The following SFMBT2 variants were observed in gnomAD, a reference collection of about 807,000 sequenced individuals.
SFMBT2 encodes scm-like with four MBT domains protein 2.
Under a neutral mutation model 110.1 loss-of-function variants are expected in SFMBT2, and 38 were observed. That is an observed-to-expected ratio of 0.35 (90% CI 0.27 to 0.45). SFMBT2 has a LOEUF of 0.45. Ranked by LOEUF, SFMBT2 falls within the 20% of genes least tolerant of loss-of-function variation. SFMBT2 has a pLI of 1.00. For synonymous variants in SFMBT2, 425 were observed against 425.4 expected, an observed-to-expected ratio of 1.00 and a Z score of 0.01; for missense variants, 1,011 against 1,094.9, an observed-to-expected ratio of 0.92 and a Z score of 1.08.
chr10:7,407,350 A>T (rs1002622421), intron 1 of SFMBT2, among the ~76,000 whole-genome samples: 3 of 152,052 alleles, frequency 2.0e-5, no homozygotes, highest in Admixed American at 2.0e-4. Context: ...TAGACACGCT[A>T]GTAGGTCTCC....
intron 10 of SFMBT2, among the ~76,000 whole-genome samples, chr10:7,221,914 A>T (rs1839754433): frequency 6.6e-6 from 1 of 152,178 alleles, no homozygotes; most frequent in South Asian, 2.1e-4. Flanking sequence ...TGCATTGGGG[A>T]CCTTTGGTAA....
At position 7,202,155 on chromosome 10, in the gene SFMBT2, C is replaced by T. The variant is rs780016601; in HGVS notation, c.1487+325G>A. On this transcript the variant is annotated intron_variant, in intron 13 of 20. Transcript: ENST00000397167. Reference sequence around the variant, plus strand: ...CTGCGACTCGAAACTGCACCTGCCACGTGGGGCCCCTGCAGACGCTGAGAA... The same window carrying T: ...CTGCGACTCGAAACTGCACCTGCCATGTGGGGCCCCTGCAGACGCTGAGAA... 1.3e-5 allele frequency: 3 copies of T among 233,858 alleles called. No homozygotes were observed. In the South Asian group the frequency reaches 4.6e-4, roughly 36 times the overall value. The allele number at this position is 233,858 out of a possible 1,614,324, so 14.5% of individuals were successfully genotyped here.
In SFMBT2 at chr10:7,176,047, C is replaced by A; in HGVS notation, c.1927G>T (p.Val643Leu). Residue 643 changes from valine to leucine, a missense_variant, in exon 17 of 21, where the codon GTG becomes TTG. By Grantham distance (32) the Val-to-Leu change is conservative. Around this residue, in one of 2 missense-constraint regions of SFMBT2, gnomAD observed 979 missense variants for 1,016.1 expected, o/e 0.96. Transcript: ENST00000397167. ...TCTGGGCAGTTTTCAGATATCAGCA[C>A]AGGACTAAACAAATTTGGACAGCAC... ...LECCPNLFSP[V>L]LISENCPENC... 1.2e-6 allele frequency: 2 copies of A among 1,614,154 alleles called. No homozygotes were observed. The highest frequency in any genetic ancestry group is 1.7e-6 in the Non-Finnish European group (2 of 1,180,034).
intron 4 of SFMBT2, among the ~76,000 whole-genome samples, chr10:7,317,056 G>A (rs577809656): frequency 3.6e-4 from 55 of 152,176 alleles, no homozygotes; most frequent in African/African-American, 1.1e-3. Context: ...AATTCTGGTC[G>A]TGTCCCCCTC....
At position 7,172,263 on chromosome 10, in the gene SFMBT2, C is replaced by T. The variant is rs1399571786; in HGVS notation, c.2152-105G>A. On this transcript the variant is annotated intron_variant, in intron 18 of 20. Transcript: ENST00000397167. This position sits in a 1 kb window ranked among gnomAD's most constrained non-coding sequence, Gnocchi z 4.6. Reference sequence around the variant, plus strand: ...CAGTGCAGACCACCTAGCAAACCCTCGGAAATGGAGCCAGTGGTCCCACCC... The same window carrying T: ...CAGTGCAGACCACCTAGCAAACCCTTGGAAATGGAGCCAGTGGTCCCACCC... 32 of 1,464,700 alleles carry T rather than the reference C, an allele frequency of 2.2e-5. No homozygotes were observed. Among genetic ancestry groups the T allele is most frequent in the Middle Eastern group, 4.6e-4 (2 of 4,334 alleles). 90.7% of individuals were successfully genotyped at this position (1,464,700 alleles called of 1,614,324 possible). A position where few individuals can be genotyped will look rare whatever the true frequency, so the allele number is the denominator to read the frequency against.
chr10:7,387,388 G>A (rs1016201713), intron 1 of SFMBT2, among the ~76,000 whole-genome samples: 6 of 152,256 alleles, frequency 3.9e-5, no homozygotes, highest in African/African-American at 1.4e-4. Context: ...GGGCACTGGG[G>A]ACAGACATAT....
chr10:7,346,296 G>A (rs1844106860), intron 4 of SFMBT2, among the ~76,000 whole-genome samples: 1 of 152,108 alleles, frequency 6.6e-6, no homozygotes, highest in Non-Finnish European at 1.5e-5. Context: ...TGACCCCGGT[G>A]TTCTAACATT....
At chr10:7,298,805 G>A (rs1183876726) in intron 4 of SFMBT2, among the ~76,000 whole-genome samples, 1 of 152,044 alleles carries the variant, frequency 6.6e-6, no homozygotes, top group Non-Finnish European at 1.5e-5. Context: ...CTGTGTGTGT[G>A]GGTCTAAGAC....
intron 4 of SFMBT2, among the ~76,000 whole-genome samples, chr10:7,319,898 GAGAGAGACTA>G (rs1206878738): frequency 7.0e-6 from 1 of 142,514 alleles, no homozygotes. Flanking sequence ...CAGAGAGACA[GAGAGAGACTA>G]AGAGAGAGAG....
intron 4 of SFMBT2, among the ~76,000 whole-genome samples, chr10:7,326,284 T>C (rs1476147547): frequency 6.6e-6 from 1 of 152,230 alleles, no homozygotes; most frequent in Admixed American, 6.5e-5. Context: ...GCACACATAA[T>C]TTCACCTTTG....
intron 11 of SFMBT2, among the ~76,000 whole-genome samples, chr10:7,212,445 G>A (rs1839381012): frequency 6.6e-6 from 1 of 152,158 alleles, no homozygotes; most frequent in Non-Finnish European, 1.5e-5. Context: ...GAGCCCTGTG[G>A]GACAGTGTCC....
chr10:7,294,420 C>T (rs1367552958), intron 4 of SFMBT2, among the ~76,000 whole-genome samples: 1 of 152,160 alleles, frequency 6.6e-6, no homozygotes, highest in African/African-American at 2.4e-5. Flanking sequence ...TTGCATTGTA[C>T]AAGTATCTAG....
intron 6 of SFMBT2, among the ~76,000 whole-genome samples, chr10:7,282,650 T>A: frequency 6.6e-6 from 1 of 152,220 alleles, no homozygotes; most frequent in East Asian, 1.9e-4. Context: ...TACGCGTCTC[T>A]AAGCCTGTCA....
intron 15 of SFMBT2, among the ~76,000 whole-genome samples, chr10:7,190,849 G>C (rs1375596183): frequency 6.6e-6 from 1 of 152,104 alleles, no homozygotes; most frequent in East Asian, 1.9e-4. Flanking sequence ...ACCTTGAATT[G>C]TAGCTCCCAT....
intron 10 of SFMBT2, among the ~76,000 whole-genome samples, chr10:7,222,762 T>C (rs182108688): frequency 6.6e-6 from 1 of 152,072 alleles, no homozygotes; most frequent in East Asian, 1.9e-4. Context: ...CTCTGCCTCC[T>C]GGGTTCAAGC....
chr10:7,175,860 T>C (rs1200238250), intron 17 of SFMBT2, 130 bp downstream of exon 17: 8 of 820,148 alleles, frequency 9.8e-6, no homozygotes, highest in South Asian at 1.8e-5. Context: ...AATCCTTCCA[T>C]AGCAATTCCT....
At chr10:7,396,023 T>A (rs1733066939) in intron 1 of SFMBT2, among the ~76,000 whole-genome samples, 2 of 151,954 alleles carry the variant, frequency 1.3e-5, no homozygotes, top group African/African-American at 4.8e-5. Context: ...TCAGCTGAAG[T>A]TAGGAGTTCG....
At chr10:7,362,694 T>C (rs1382586602) in intron 4 of SFMBT2, among the ~76,000 whole-genome samples, 1 of 152,230 alleles carries the variant, frequency 6.6e-6, no homozygotes, top group Non-Finnish European at 1.5e-5. Context: ...ATTACTCAGC[T>C]AAGGGCTAAA....
At chr10:7,331,947 T>C (rs1021979890) in intron 4 of SFMBT2, among the ~76,000 whole-genome samples, 1 of 138,920 alleles carries the variant, frequency 7.2e-6, no homozygotes, top group African/African-American at 2.7e-5. Context: ...GAGGCAGAGG[T>C]TGCACTGAGC....
Sources: gnomAD v4.1 joint callset for allele counts (sites outside exome capture counted in the v4.1 genomes callset) on GRCh38, gnomAD v4.1.1 for gene constraint, gnomAD v4.1.1 regional missense constraint, Gnocchi (gnomAD v3.1) non-coding constraint, MANE v1.5 for transcripts, NCBI Gene and HGNC (gene_info 2026-07-23, HGNC 2026-07-21) for gene names.